The following MACROD2 variants were observed in gnomAD, a reference collection of about 807,000 sequenced individuals.
MACROD2 encodes mono-ADP ribosylhydrolase 2.
In MACROD2, 36 loss-of-function variants were observed where a neutral mutation model predicts 70.4. That is an observed-to-expected ratio of 0.51 (90% CI 0.39 to 0.68). MACROD2 has a LOEUF of 0.68. Among genes scored for constraint, MACROD2 ranks in the 30% least tolerant of loss-of-function variants. MACROD2 has a pLI of 0.00. For synonymous variants in MACROD2, 172 were observed against 178.8 expected (o/e 0.96, Z 0.30); for missense variants, 496 against 538.4 (o/e 0.92, Z 0.78).
intron 5 of MACROD2, among the ~76,000 whole-genome samples, chr20:15,128,081 C>T (rs901522161): frequency 3.9e-5 from 6 of 151,996 alleles, no homozygotes; most frequent in Non-Finnish European, 5.9e-5. Context: ...ACCTACTCAC[C>T]GTATCTTTTA....
At position 14,816,114 on chromosome 20, in the gene MACROD2, C is replaced by G. The variant is rs577761411; in HGVS notation, c.418+131155C>G. ...AGTGGAAAATGGAATGAGCAATACG[C>G]CCTCAGTTTACTATTCCTTCCAGAT... On this transcript the variant is annotated intron_variant, in intron 5 of 17. Coordinates refer to ENST00000684519, the MANE Select transcript of MACROD2 (RefSeq NM_001351661.2). 7.8e-4 allele frequency among the ~76,000 whole-genome samples: 118 copies of G among 152,084 alleles called. 1 individual carries two copies. Among genetic ancestry groups the G allele is most frequent in the African/African-American group, 2.8e-3 (117 of 41,502 alleles).
chr20:15,597,443 G>A (rs1437342834), intron 8 of MACROD2, among the ~76,000 whole-genome samples: 1 of 152,204 alleles, frequency 6.6e-6, no homozygotes, highest in Non-Finnish European at 1.5e-5. Context: ...AAATGCTGGT[G>A]TAGGACTATC....
intron 8 of MACROD2, among the ~76,000 whole-genome samples, chr20:15,670,820 TA>T (rs1415406761): frequency 6.6e-6 from 1 of 152,192 alleles, no homozygotes; most frequent in African/African-American, 2.4e-5. Flanking sequence ...AAAGAGAGAC[TA>T]GAAGTGAAGA....
intron 3 of MACROD2, among the ~76,000 whole-genome samples, chr20:14,159,955 C>T (rs1013859870): frequency 2.6e-5 from 4 of 151,958 alleles, no homozygotes; most frequent in Non-Finnish European, 5.9e-5. Flanking sequence ...TTATCAGATG[C>T]GTTTTCTGCA....
chr20:15,021,519 T>G (rs1439064846), intron 5 of MACROD2: 1 of 151,070 alleles, frequency 6.6e-6, no homozygotes, highest in African/African-American at 2.4e-5. Flanking sequence ...CCTATATGTG[T>G]GTATATATAT....
chr20:15,755,360 T>G (rs2051333102), intron 8 of MACROD2, among the ~76,000 whole-genome samples: 1 of 152,186 alleles, frequency 6.6e-6, no homozygotes, highest in Non-Finnish European at 1.5e-5. Context: ...ACCTCAAATG[T>G]AAGAAGAAGT....
intron 5 of MACROD2, among the ~76,000 whole-genome samples, chr20:14,765,166 A>C (rs2072069823): frequency 6.6e-6 from 1 of 152,120 alleles, no homozygotes; most frequent in South Asian, 2.1e-4. Flanking sequence ...ACTCATTAGA[A>C]AATGTGATTC....
chr20:15,258,960 G>A (rs1395003719), intron 6 of MACROD2, among the ~76,000 whole-genome samples: 4 of 151,928 alleles, frequency 2.6e-5, no homozygotes, highest in Non-Finnish European at 5.9e-5. Flanking sequence ...ATAACTTTTG[G>A]AATTATCATT....
intron 9 of MACROD2, among the ~76,000 whole-genome samples, chr20:15,884,449 A>G (rs2064796863): frequency 6.6e-6 from 1 of 152,082 alleles, no homozygotes; most frequent in Non-Finnish European, 1.5e-5. Context: ...GTTTGGAACC[A>G]GGTATCATTG....
At chr20:15,350,186 G>A (rs1220663485) in intron 6 of MACROD2, among the ~76,000 whole-genome samples, 1 of 152,100 alleles carries the variant, frequency 6.6e-6, no homozygotes, top group Non-Finnish European at 1.5e-5. Context: ...CTTGCTTTTG[G>A]CATTTGTTTT....
chr20:14,167,008 T>C (rs566413240), intron 3 of MACROD2, among the ~76,000 whole-genome samples: 2 of 152,370 alleles, frequency 1.3e-5, no homozygotes, highest in African/African-American at 2.4e-5. Flanking sequence ...TCTGCATTTC[T>C]GGTTTTGGTT....
intron 8 of MACROD2, among the ~76,000 whole-genome samples, chr20:15,633,491 T>C (rs1391208043): frequency 1.3e-5 from 2 of 152,222 alleles, no homozygotes; most frequent in Admixed American, 1.3e-4. Flanking sequence ...ATAAGTGTTT[T>C]GATTAATTCA....
At chr20:15,237,535 GTTTTCATTTGGCTTCC>G (rs1258150619) in intron 6 of MACROD2, among the ~76,000 whole-genome samples, 6 of 152,018 alleles carry the variant, frequency 3.9e-5, no homozygotes, top group Admixed American at 3.3e-4. Flanking sequence ...TTGATGTGTT[GTTTTCATTTGGCTTCC>G]CTTGGGAACA....
At chr20:15,221,038 A>G (rs1205134403) in intron 5 of MACROD2, among the ~76,000 whole-genome samples, 4 of 152,114 alleles carry the variant, frequency 2.6e-5, no homozygotes, top group African/African-American at 9.7e-5. Context: ...CCCGACATTG[A>G]CCCATCTGCA....
chr20:14,416,914 T>C (rs2083811562), intron 3 of MACROD2, among the ~76,000 whole-genome samples: 1 of 152,222 alleles, frequency 6.6e-6, no homozygotes, highest in East Asian at 1.9e-4. Context: ...AGGTGCTGTG[T>C]TTATTCTCTA....
intron 3 of MACROD2, among the ~76,000 whole-genome samples, chr20:14,338,738 T>C (rs1316594084): frequency 6.6e-6 from 1 of 152,202 alleles, no homozygotes; most frequent in African/African-American, 2.4e-5. Flanking sequence ...TTTAGGTACA[T>C]GAATAAACAC....
At chr20:15,312,307 G>A (rs1236984806) in intron 6 of MACROD2, among the ~76,000 whole-genome samples, 1 of 152,200 alleles carries the variant, frequency 6.6e-6, no homozygotes, top group Non-Finnish European at 1.5e-5. Flanking sequence ...AGATGTGATG[G>A]TGCTATTTGG....
chr20:15,671,179 T>C (rs2049974866), intron 8 of MACROD2, among the ~76,000 whole-genome samples: 1 of 152,184 alleles, frequency 6.6e-6, no homozygotes. Context: ...ACGTTGTTTC[T>C]CCTCTGTTTG....
At chr20:14,459,726 A>G (rs2084345960) in intron 3 of MACROD2, among the ~76,000 whole-genome samples, 1 of 151,944 alleles carries the variant, frequency 6.6e-6, no homozygotes, top group Non-Finnish European at 1.5e-5. Context: ...TCTGTTTCTG[A>G]TAGATTTGTT....
Sources: gnomAD v4.1 joint callset for allele counts (sites outside exome capture counted in the v4.1 genomes callset) on GRCh38, gnomAD v4.1.1 for gene constraint, MANE v1.5 for transcripts, NCBI Gene and HGNC (gene_info 2026-07-23, HGNC 2026-07-21) for gene names.